The following CLNK variants were observed in gnomAD, a reference collection of about 807,000 sequenced individuals.
CLNK encodes the protein cytokine dependent hematopoietic cell linker, also known as cytokine-dependent hematopoietic cell linker.
Under a neutral mutation model 68.6 loss-of-function variants are expected in CLNK, and 74 were observed. That is an observed-to-expected ratio of 1.08 (90% CI 0.89 to 1.31). The LOEUF (loss-of-function observed/expected upper bound fraction) is 1.31. CLNK is among the 50% of genes most tolerant of loss of function. The pLI, the probability that CLNK is intolerant of heterozygous loss-of-function variation, is 0.00. For missense variants in CLNK, 553 were observed against 515.3 expected, an observed-to-expected ratio of 1.07 and a Z score of -0.71; for synonymous variants, 198 against 172.2, an observed-to-expected ratio of 1.15 and a Z score of -1.17.
intron 15 of CLNK, among the ~76,000 whole-genome samples, chr4:10,514,352 A>G (rs1026417709): frequency 2.0e-5 from 3 of 152,188 alleles, no homozygotes; most frequent in African/African-American, 7.2e-5. Context: ...AGCATAATTT[A>G]TAGTCATTTG....
chr4:10,568,784 C>G (rs1332307150), intron 5 of CLNK, among the ~76,000 whole-genome samples: 1 of 152,218 alleles, frequency 6.6e-6, no homozygotes, highest in Non-Finnish European at 1.5e-5. Context: ...ATGTTGCTTT[C>G]AGTCTTGTGA....
At chr4:10,717,553 G>A in the CLNK span, among the ~76,000 whole-genome samples, 15 of 152,110 alleles carry the variant, frequency 9.9e-5, no homozygotes, top group Non-Finnish European at 1.8e-4. Flanking sequence ...CTGAAATGGC[G>A]CCATTGCACT....
At chr4:10,520,007 C>T (rs561337877) in intron 15 of CLNK, among the ~76,000 whole-genome samples, 1 of 148,628 alleles carries the variant, frequency 6.7e-6, no homozygotes, top group East Asian at 2.0e-4. Context: ...CTCCACAATA[C>T]CCTGTGGGCT....
intron 2 of CLNK, among the ~76,000 whole-genome samples, chr4:10,641,367 T>C (rs1181899574): frequency 6.6e-6 from 1 of 152,104 alleles, no homozygotes; most frequent in Non-Finnish European, 1.5e-5. Flanking sequence ...TTTCTAATAA[T>C]CTGGGTCTGC....
At chr4:10,630,376 C>A (rs1421660376) in intron 2 of CLNK, among the ~76,000 whole-genome samples, 2 of 152,190 alleles carry the variant, frequency 1.3e-5, no homozygotes, top group African/African-American at 4.8e-5. Flanking sequence ...TCATGAAAGT[C>A]AAAGGACTGG....
At chr4:10,685,265 A>G (rs1487385894), upstream of CLNK, among the ~76,000 whole-genome samples, 1 of 152,086 alleles carries the variant, frequency 6.6e-6, no homozygotes, top group African/African-American at 2.4e-5. Context: ...TTTGAAGTTT[A>G]TTTCTCAAGT....
intron 3 of CLNK, among the ~76,000 whole-genome samples, chr4:10,589,672 G>T (rs919207474): frequency 1.3e-5 from 2 of 152,192 alleles, no homozygotes; most frequent in Admixed American, 6.5e-5. Flanking sequence ...GATCAGGAGA[G>T]GTGGTCCGAA....
intron 2 of CLNK, among the ~76,000 whole-genome samples, chr4:10,667,038 C>G (rs968314484): frequency 1.3e-5 from 2 of 152,200 alleles, no homozygotes; most frequent in African/African-American, 4.8e-5. Flanking sequence ...GTCCTCCTCC[C>G]TGAGTCAGAT....
intron 2 of CLNK, among the ~76,000 whole-genome samples, chr4:10,616,560 C>G (rs898395694): frequency 6.6e-6 from 1 of 151,940 alleles, no homozygotes; most frequent in African/African-American, 2.4e-5. Flanking sequence ...AAAATAGCAG[C>G]AATATTGATG....
the CLNK span, among the ~76,000 whole-genome samples, chr4:10,693,738 AAAC>A: frequency 1.3e-5 from 2 of 152,180 alleles, no homozygotes; most frequent in Non-Finnish European, 2.9e-5. Flanking sequence ...TCCTATAGAA[AAAC>A]AACATTTATG....
At chr4:10,642,292 G>C (rs1723336713) in intron 2 of CLNK, among the ~76,000 whole-genome samples, 1 of 152,176 alleles carries the variant, frequency 6.6e-6, no homozygotes, top group South Asian at 2.1e-4. Context: ...ATCATGCAGA[G>C]ATGGCCGAGA....
intron 4 of CLNK, among the ~76,000 whole-genome samples, chr4:10,579,885 A>T (rs1196784064): frequency 6.6e-6 from 1 of 152,226 alleles, no homozygotes; most frequent in Middle Eastern, 3.2e-3. Context: ...GGCTACATGA[A>T]TGACATGCCT....
At chr4:10,721,330 A>T in the CLNK span, among the ~76,000 whole-genome samples, 1 of 152,136 alleles carries the variant, frequency 6.6e-6, no homozygotes, top group Non-Finnish European at 1.5e-5. Flanking sequence ...CACTGGGGGA[A>T]AATGGGTAAA....
At chr4:10,599,997 C>T (rs746250556) in intron 2 of CLNK, among the ~76,000 whole-genome samples, 22 of 152,172 alleles carry the variant, frequency 1.4e-4, no homozygotes, top group Non-Finnish European at 2.8e-4. Flanking sequence ...CATCAGTTCT[C>T]TATTCCTGCA....
intron 18 of CLNK, among the ~76,000 whole-genome samples, chr4:10,495,429 AT>A (rs1716763229): frequency 6.6e-6 from 1 of 152,176 alleles, no homozygotes; most frequent in African/African-American, 2.4e-5. Flanking sequence ...TGCACAGGGT[AT>A]TCCCTGGATG....
At chr4:10,561,455 T>C (rs1349248623) in intron 7 of CLNK, among the ~76,000 whole-genome samples, 2 of 152,222 alleles carry the variant, frequency 1.3e-5, no homozygotes, top group Non-Finnish European at 2.9e-5. Context: ...CATAGTTGTT[T>C]TTTAAAAAAT....
intron 2 of CLNK, among the ~76,000 whole-genome samples, chr4:10,616,308 T>C (rs1276564784): frequency 2.0e-5 from 3 of 152,234 alleles, no homozygotes; most frequent in African/African-American, 7.2e-5. Context: ...TTTAGTTTAT[T>C]GCTTTGTGGA....
chr4:10,657,901 T>A (rs1724043286), intron 2 of CLNK, among the ~76,000 whole-genome samples: 1 of 152,234 alleles, frequency 6.6e-6, no homozygotes, highest in Non-Finnish European at 1.5e-5. Context: ...TTACTTAGAA[T>A]CAGCTTTTGA....
chr4:10,640,021 A>T (rs1319084467), intron 2 of CLNK, among the ~76,000 whole-genome samples: 2 of 152,204 alleles, frequency 1.3e-5, no homozygotes, highest in African/African-American at 4.8e-5. Context: ...TTGATGGTGG[A>T]TCATTGTTCT....
Sources: allele counts gnomAD v4.1 joint callset (sites outside exome capture counted in the v4.1 genomes callset), GRCh38; gene constraint gnomAD v4.1.1; transcripts MANE v1.5; gene names NCBI Gene and HGNC (gene_info 2026-07-23, HGNC 2026-07-21).